SLC22A15: variants seen among roughly 807,000 people sequenced by gnomAD.
SLC22A15 encodes the protein solute carrier family 22 member 15, also known as flipt 1.
Under a neutral mutation model 62.7 loss-of-function variants are expected in SLC22A15, and 45 were observed. The ratio of observed to expected loss-of-function variants is 0.72; its 90% CI spans 0.56 to 0.92. The LOEUF (loss-of-function observed/expected upper bound fraction) is 0.92. Ranked by LOEUF, SLC22A15 falls within the 40% of genes least tolerant of loss-of-function variation. SLC22A15 has a pLI of 0.00. For missense variants in SLC22A15, 622 were observed against 665.6 expected (o/e 0.93, Z 0.72); for synonymous variants, 264 against 267.0 (o/e 0.99, Z 0.11).
chr1:115,977,850 G>T (rs573444043), intron 1 of SLC22A15, among the ~76,000 whole-genome samples: 1 of 152,316 alleles, frequency 6.6e-6, no homozygotes, highest in South Asian at 2.1e-4. Flanking sequence ...GGGGAAGGTA[G>T]GGGTTGACTT....
At chr1:115,988,533 A>G (rs1365242894) in intron 1 of SLC22A15, among the ~76,000 whole-genome samples, 5 of 152,246 alleles carry the variant, frequency 3.3e-5, no homozygotes, top group South Asian at 2.1e-4. Flanking sequence ...TAGAGGATCT[A>G]TTTTTTGGGG....
At position 115,991,318 on chromosome 1, in the gene SLC22A15, G is replaced by A. The variant is rs146801260; in HGVS notation, c.88-713G>A. Among the ~76,000 whole-genome samples, 157 of 152,294 alleles carry A rather than the reference G, an allele frequency of 1.0e-3. 1 individual carries two copies. The highest frequency in any genetic ancestry group is 3.5e-3 in the African/African-American group (145 of 41,556). On this transcript the variant is annotated intron_variant, in intron 1 of 11. Coordinates refer to ENST00000369503, the MANE Select transcript of SLC22A15 (RefSeq NM_018420.3). Reference sequence around the variant, plus strand: ...AATATTTCTTGAATGAATGTGTGAAGTATATTTCTTGAATGAATGCGTGAA... The same window carrying A: ...AATATTTCTTGAATGAATGTGTGAAATATATTTCTTGAATGAATGCGTGAA...
At chr1:116,059,909 A>G (rs1658334152) in intron 8 of SLC22A15, among the ~76,000 whole-genome samples, 2 of 152,262 alleles carry the variant, frequency 1.3e-5, no homozygotes, top group South Asian at 4.1e-4. Flanking sequence ...TAGTAGTCGC[A>G]TCATTGGAAT....
intron 2 of SLC22A15, chr1:116,013,951 T>C (rs1247438748): frequency 6.6e-6 from 1 of 152,250 alleles, no homozygotes; most frequent in Non-Finnish European, 1.5e-5. Context: ...ACGGTTGTAA[T>C]GGCCTTTGAT....
intron 5 of SLC22A15, among the ~76,000 whole-genome samples, chr1:116,030,499 C>T (rs563619191): frequency 6.6e-6 from 1 of 152,028 alleles, no homozygotes; most frequent in African/African-American, 2.4e-5. Flanking sequence ...CTTCCATATT[C>T]CTGCCTTGGT....
chr1:116,060,645 C>T (rs1192536000), intron 8 of SLC22A15, among the ~76,000 whole-genome samples: 1 of 152,164 alleles, frequency 6.6e-6, no homozygotes, highest in Non-Finnish European at 1.5e-5. Flanking sequence ...TTCAATGCCT[C>T]CCAATACCTT....
intron 1 of SLC22A15, among the ~76,000 whole-genome samples, chr1:115,991,176 G>A (rs983918851): frequency 6.6e-6 from 1 of 152,208 alleles, no homozygotes; most frequent in South Asian, 2.1e-4. Flanking sequence ...AACAATGGGA[G>A]TTAATACTAA....
intron 2 of SLC22A15, chr1:116,015,040 T>G (rs994952536): frequency 2.6e-5 from 4 of 152,190 alleles, no homozygotes; most frequent in Non-Finnish European, 5.9e-5. Context: ...GATCACATAG[T>G]AGGTATGTGA....
chr1:116,035,202 G>A lies in SLC22A15; in HGVS notation c.960G>A (p.Leu320=). Residue 320 remains leucine (L), a synonymous_variant, in exon 7 of 12, where the codon TTG becomes TTA. Coordinates refer to ENST00000369503, the MANE Select transcript of SLC22A15 (RefSeq NM_018420.3). ...CCAATTGCAGGTTTGTGTGCAGCTT[G>A]GTGTATTATGGCCTAACTCTGAGTG... ...ILMFIWFVCS[L]VYYGLTLSAG... The A allele has an allele frequency of 6.2e-7, 1 of 1,611,738 alleles. No individual in the cohort carries two copies. The highest frequency in any genetic ancestry group is 1.1e-5 in the South Asian group (1 of 90,660).
chr1:116,003,521 C>T (rs887407795), intron 2 of SLC22A15, among the ~76,000 whole-genome samples: 8 of 152,236 alleles, frequency 5.3e-5, no homozygotes, highest in Non-Finnish European at 8.8e-5. Context: ...GGCGATTCCT[C>T]TCTGGCTAGG....
At chr1:115,994,729 G>C (rs1655334969) in intron 2 of SLC22A15, among the ~76,000 whole-genome samples, 1 of 152,046 alleles carries the variant, frequency 6.6e-6, no homozygotes, top group Non-Finnish European at 1.5e-5. Flanking sequence ...AGATACTTCA[G>C]CGTGTATTTA....
chr1:116,025,209 T>C (rs1327657080), intron 4 of SLC22A15, among the ~76,000 whole-genome samples: 1 of 152,198 alleles, frequency 6.6e-6, no homozygotes, highest in East Asian at 1.9e-4. Flanking sequence ...CCATCCCTCC[T>C]CTGGGCTTTC....
intron 2 of SLC22A15, chr1:116,017,368 C>CAAAAAAAAAAAAAAAAA (rs558402209): frequency 7.1e-5 from 6 of 84,844 alleles, no homozygotes; most frequent in Non-Finnish European, 1.2e-4. Flanking sequence ...GAAACCCTGC[C>CAAAAAAAAAAAAAAAAA]AAAAAAAAAA....
chr1:116,021,312 C>T (rs1252444843), intron 4 of SLC22A15, among the ~76,000 whole-genome samples: 3 of 152,164 alleles, frequency 2.0e-5, no homozygotes, highest in Admixed American at 1.3e-4. Context: ...CTCAAGTCAA[C>T]ATAGTACTAT....
At chr1:116,027,255 TGTAACCTTCACA>T (rs1657141168) in intron 5 of SLC22A15, 1 of 632,844 alleles carries the variant, frequency 1.6e-6, no homozygotes, top group Non-Finnish European at 3.0e-6. Context: ...TACACTGCAT[TGTAACCTTCACA>T]TTGTTGGCAT....
In SLC22A15 at chr1:115,993,947, C is replaced by G. The variant is rs927281840; in HGVS notation, c.300+1704C>G. On this transcript the variant is annotated intron_variant, in intron 2 of 11. Transcript: ENST00000369503. ...CCTCACCGCTTGCCCTGGCTTCCAC[C>G]TGGTGAAATCCTTATCTACCCTCTA... 2.6e-5 allele frequency among the ~76,000 whole-genome samples: 4 copies of G among 152,178 alleles called. No individual in the cohort carries two copies. The East Asian group carries it at 7.7e-4, about 29-fold the overall frequency.
chr1:116,051,895 C>T (rs908041951), intron 8 of SLC22A15, among the ~76,000 whole-genome samples: 12 of 152,092 alleles, frequency 7.9e-5, no homozygotes, highest in African/African-American at 2.2e-4. Context: ...TCTTTATCAG[C>T]GGCATGAAAA....
At chr1:116,055,990 T>G (rs1658197626) in intron 8 of SLC22A15, among the ~76,000 whole-genome samples, 1 of 131,142 alleles carries the variant, frequency 7.6e-6, no homozygotes, top group Non-Finnish European at 1.6e-5. Context: ...CTTTGAAAAC[T>G]GGCACAAGAC....
Position 116,027,428 on chromosome 1 carries a change from T to C in SLC22A15, c.728+406T>C, listed in dbSNP as rs538916026. ...AGTGACAACTGTTCATCCTACAGAT[T>C]AGTGTCATTTCAGGGCCTCTAAACA... On this transcript the variant is annotated intron_variant, in intron 5 of 11. Transcript: ENST00000369503. The C allele has an allele frequency of 5.7e-4, 279 of 490,768 alleles. 3 individuals carry two copies. Among genetic ancestry groups the C allele is most frequent in the South Asian group, 3.7e-3 (256 of 69,430 alleles). The allele number at this position is 490,768 out of a possible 1,614,324, so 30.4% of individuals were successfully genotyped here.
Sources: gnomAD v4.1 joint callset for allele counts (sites outside exome capture counted in the v4.1 genomes callset) on GRCh38, gnomAD v4.1.1 for gene constraint, MANE v1.5 for transcripts, NCBI Gene and HGNC (gene_info 2026-07-23, HGNC 2026-07-21) for gene names.